The following ANK2 variants were observed in gnomAD, a reference collection of about 807,000 sequenced individuals.
The protein encoded by ANK2 is ankyrin 2.
ANK2 carries 83 observed loss-of-function variants against 360.5 expected under a neutral mutation model. The observed-to-expected ratio is 0.23, with a 90% CI of 0.19 to 0.28. ANK2 has a LOEUF of 0.28. ANK2 is among the 10% of genes least tolerant of loss of function. The pLI, the probability that ANK2 is intolerant of heterozygous loss-of-function variation, is 1.00. For synonymous variants in ANK2, 1,740 were observed against 1,759.5 expected (o/e 0.99, Z 0.28); for missense variants, 4,201 against 4,795.7 (o/e 0.88, Z 3.66).
At chr4:112,947,964 A>G (rs971073674) in intron 2 of ANK2, among the ~76,000 whole-genome samples, 1 of 152,220 alleles carries the variant, frequency 6.6e-6, no homozygotes, top group African/African-American at 2.4e-5. Context: ...CTATGACAAG[A>G]TTTAAAATAT....
intron 7 of ANK2, among the ~76,000 whole-genome samples, chr4:113,238,783 A>T (rs928189416): frequency 6.6e-6 from 1 of 152,172 alleles, no homozygotes; most frequent in African/African-American, 2.4e-5. Context: ...TCTGCCTCCT[A>T]CTTCCATGTT....
At chr4:113,166,771 C>T (rs1051600538) in intron 1 of ANK2, among the ~76,000 whole-genome samples, 9 of 151,934 alleles carry the variant, frequency 5.9e-5, no homozygotes, top group African/African-American at 1.2e-4. Flanking sequence ...ATATTTATCC[C>T]GGAAAATTTA....
chr4:112,717,108 G>A, the ANK2 span, among the ~76,000 whole-genome samples: 7 of 152,132 alleles, frequency 4.6e-5, no homozygotes, highest in East Asian at 3.9e-4. Flanking sequence ...GTTATTTATC[G>A]TAACAGTTTT....
chr4:113,095,301 A>G (rs541724039), intron 1 of ANK2, among the ~76,000 whole-genome samples: 98 of 152,218 alleles, frequency 6.4e-4, no homozygotes, highest in African/African-American at 2.3e-3. Context: ...GCTTCAGAAT[A>G]TATCTTTATT....
At chr4:113,305,112 G>A (rs945150233) in intron 23 of ANK2, among the ~76,000 whole-genome samples, 1 of 151,434 alleles carries the variant, frequency 6.6e-6, no homozygotes, top group Admixed American at 6.6e-5. Context: ...AGGCCGAGGC[G>A]GGCGGATCAC....
At chr4:112,917,214 A>G (rs1269502570) in intron 2 of ANK2, among the ~76,000 whole-genome samples, 1 of 152,228 alleles carries the variant, frequency 6.6e-6, no homozygotes, top group Non-Finnish European at 1.5e-5. Context: ...AAGCACCACA[A>G]TGAAAAAGAG....
At chr4:113,279,950 A>G (rs981485866) in intron 17 of ANK2, among the ~76,000 whole-genome samples, 4 of 152,064 alleles carry the variant, frequency 2.6e-5, no homozygotes, top group African/African-American at 9.7e-5. Context: ...TGTTCATATC[A>G]TATTCATTTG....
intron 2 of ANK2, among the ~76,000 whole-genome samples, chr4:112,946,928 T>TA (rs1445634355): frequency 6.6e-6 from 1 of 152,244 alleles, no homozygotes; most frequent in East Asian, 1.9e-4. Flanking sequence ...ATTATTCTTT[T>TA]AAGTTGAAGA....
intron 2 of ANK2, among the ~76,000 whole-genome samples, chr4:113,014,952 G>A (rs1032909384): frequency 1.5e-5 from 2 of 136,340 alleles, no homozygotes; most frequent in Admixed American, 1.7e-4. Context: ...TCCGCCCGCC[G>A]GGTTCACGCC....
intron 2 of ANK2, among the ~76,000 whole-genome samples, chr4:113,025,823 T>G (rs995591889): frequency 6.6e-6 from 1 of 152,154 alleles, no homozygotes; most frequent in Non-Finnish European, 1.5e-5. Context: ...TGTAGAGGTA[T>G]GGGTAGTATA....
intron 2 of ANK2, among the ~76,000 whole-genome samples, chr4:113,021,545 T>C (rs202149345): frequency 0.36 from 14,118 of 39,054 alleles, 1,920 homozygotes; most frequent in East Asian, 0.53. Flanking sequence ...CACAAACATA[T>C]ATATATATAT....
At chr4:113,036,197 A>G (rs2061550710) in intron 2 of ANK2, among the ~76,000 whole-genome samples, 1 of 151,686 alleles carries the variant, frequency 6.6e-6, no homozygotes, top group African/African-American at 2.4e-5. Context: ...ACTCTCTTTG[A>G]GTCATTTTTT....
At chr4:113,307,776 C>T (rs1377148281) in intron 23 of ANK2, among the ~76,000 whole-genome samples, 2 of 152,162 alleles carry the variant, frequency 1.3e-5, no homozygotes, top group South Asian at 2.1e-4. Flanking sequence ...CACTCACTAT[C>T]ACTGAGGAAT....
chr4:112,789,445 G>C, the ANK2 span, among the ~76,000 whole-genome samples: 1 of 152,038 alleles, frequency 6.6e-6, no homozygotes, highest in Admixed American at 6.6e-5. Context: ...ATGGCTACCA[G>C]GGCCAAAGTT....
At position 113,232,160 on chromosome 4, in the gene ANK2, G is replaced by A; in HGVS notation, c.385-1G>A. 6.4e-7 allele frequency: 1 copy of A among 1,572,716 alleles called. No homozygotes were observed. Among genetic ancestry groups the A allele is most frequent in the Non-Finnish European group, 8.8e-7 (1 of 1,142,632 alleles). On this transcript the variant is annotated splice_acceptor_variant, in intron 4 of 45. Coordinates refer to ENST00000357077, the MANE Select transcript of ANK2 (RefSeq NM_001148.6). LOFTEE classifies it high-confidence loss of function. ...TGTCTTTTTTTATTGCTTGTCCTCA[G>A]AATGGCTTTACTCCTTTATACATGG...
At chr4:113,006,810 C>G (rs934947670) in intron 2 of ANK2, among the ~76,000 whole-genome samples, 2 of 151,756 alleles carry the variant, frequency 1.3e-5, no homozygotes, top group African/African-American at 4.8e-5. Flanking sequence ...TTTCCCTTTT[C>G]CTTATCCTGC....
chr4:113,248,276 G>A (rs563244167), intron 9 of ANK2, among the ~76,000 whole-genome samples: 1 of 152,138 alleles, frequency 6.6e-6, no homozygotes, highest in Non-Finnish European at 1.5e-5. Flanking sequence ...AAGAGACAAG[G>A]GACAAGGGAC....
intron 2 of ANK2, among the ~76,000 whole-genome samples, chr4:112,965,369 A>G (rs1009063829): frequency 6.6e-6 from 1 of 151,924 alleles, no homozygotes; most frequent in East Asian, 1.9e-4. Context: ...TTTTTCCTAT[A>G]GAGTTGTTTG....
chr4:112,893,622 C>G (rs889351213), intron 1 of ANK2, among the ~76,000 whole-genome samples: 3 of 152,210 alleles, frequency 2.0e-5, no homozygotes, highest in Admixed American at 2.0e-4. Context: ...TATACATTCT[C>G]TATTCCATAA....
Sources: gnomAD v4.1 joint callset for allele counts (sites outside exome capture counted in the v4.1 genomes callset) on GRCh38, gnomAD v4.1.1 for gene constraint, MANE v1.5 for transcripts, NCBI Gene and HGNC (gene_info 2026-07-23, HGNC 2026-07-21) for gene names.